CPXM2: variants seen among roughly 807,000 people sequenced by gnomAD.
CPXM2 encodes the protein inactive carboxypeptidase-like protein X2.
A neutral mutation model predicts 86.1 loss-of-function variants in CPXM2; 66 were observed. The ratio of observed to expected loss-of-function variants is 0.77; its 90% CI spans 0.63 to 0.94. The LOEUF (loss-of-function observed/expected upper bound fraction) is 0.94. CPXM2 is among the 40% of genes least tolerant of loss of function. The pLI is 0.00. For missense variants in CPXM2, 948 were observed against 1,026.3 expected (o/e 0.92, Z 1.04); for synonymous variants, 388 against 400.2 (o/e 0.97, Z 0.36).
chr10:123,942,531 C>T (rs28418413), upstream of CPXM2, among the ~76,000 whole-genome samples: 29,090 of 152,206 alleles, frequency 0.19, 3,093 homozygotes, highest in South Asian at 0.31. Flanking sequence ...CTCCCACCAG[C>T]ACCACGACAG....
chr10:123,905,629 G>T (rs1465193061), intron 2 of CPXM2, among the ~76,000 whole-genome samples: 2 of 152,136 alleles, frequency 1.3e-5, no homozygotes, highest in African/African-American at 4.8e-5. Flanking sequence ...GGTCTAGGCT[G>T]CCTCCCACCT....
chr10:123,815,121 T>A (rs529994276), intron 4 of CPXM2, among the ~76,000 whole-genome samples: 149 of 152,300 alleles, frequency 9.8e-4, no homozygotes, highest in Non-Finnish European at 1.7e-3. Flanking sequence ...ACATAATACC[T>A]TTGACCATAT....
chr10:123,789,567 A>G (rs1440637926), intron 6 of CPXM2, among the ~76,000 whole-genome samples: 2 of 152,220 alleles, frequency 1.3e-5, no homozygotes, highest in African/African-American at 4.8e-5. Flanking sequence ...ATTTATTTAA[A>G]CTTGGTAATG....
At chr10:123,895,194 G>A (rs114989988), upstream of CPXM2, among the ~76,000 whole-genome samples, 9,688 of 144,002 alleles carry the variant, frequency 0.067, 497 homozygotes, top group Admixed American at 0.18. Context: ...CACCATGTCG[G>A]CTCACGGCAA....
chr10:123,757,273 C>G lies in CPXM2; in HGVS notation c.1857G>C (p.Glu619Asp), dbSNP rs1295676520. The G allele has an allele frequency of 3.1e-6, 5 of 1,613,736 alleles. No individual in the cohort carries two copies. Among genetic ancestry groups the G allele is most frequent in the Non-Finnish European group, 4.2e-6 (5 of 1,179,752 alleles). ...TCTCCCACTCCTCGGGCAGCTGGCTCTCATGTGGGTATTTATCACAGCCCA... is the reference window on the plus strand; with the variant it reads ...TCTCCCACTCCTCGGGCAGCTGGCTGTCATGTGGGTATTTATCACAGCCCA... ...IYVGCDKYPH[E>D]SQLPEEWENN... is the part of the protein sequence containing the mutation. The change falls in exon 12 of 14, where the codon GAG becomes GAC. Residue 619 changes from glutamate to aspartate, a missense_variant. Coordinates refer to ENST00000241305, the MANE Select transcript of CPXM2 (RefSeq NM_198148.3).
chr10:123,880,374 G>A, intron 1 of CPXM2, 65 bp from the exon 2 acceptor site: 2 of 777,436 alleles, frequency 2.6e-6, no homozygotes, highest in Non-Finnish European at 4.7e-6. Flanking sequence ...GATGCTAAGA[G>A]TTCAACTGTC....
At chr10:123,922,286 A>G (rs1945585052) in intron 2 of CPXM2, among the ~76,000 whole-genome samples, 1 of 152,180 alleles carries the variant, frequency 6.6e-6, no homozygotes, top group Non-Finnish European at 1.5e-5. Flanking sequence ...TGATTTCTGA[A>G]GAAGCAAAAG....
At chr10:123,845,174 T>C (rs924947195) in intron 3 of CPXM2, among the ~76,000 whole-genome samples, 5 of 151,538 alleles carry the variant, frequency 3.3e-5, no homozygotes, top group East Asian at 1.9e-4. Context: ...AGACCCTGGA[T>C]TGGGGATACT....
At chr10:123,785,578 C>T (rs1463658182) in intron 6 of CPXM2, among the ~76,000 whole-genome samples, 1 of 151,990 alleles carries the variant, frequency 6.6e-6, no homozygotes, top group African/African-American at 2.4e-5. Flanking sequence ...GCAACTTTGG[C>T]TTGGTATCTC....
chr10:123,910,229 G>C (rs1211480126), intron 2 of CPXM2, among the ~76,000 whole-genome samples: 1 of 152,154 alleles, frequency 6.6e-6, no homozygotes, highest in East Asian at 1.9e-4. Flanking sequence ...ATGCCAGACA[G>C]GTGCCTTGCT....
chr10:123,755,412 AT>A (rs1473188139), intron 12 of CPXM2, among the ~76,000 whole-genome samples: 1 of 152,146 alleles, frequency 6.6e-6, no homozygotes, highest in African/African-American at 2.4e-5. Flanking sequence ...CAGTTATAGG[AT>A]TGCCTGGCTC....
At chr10:123,915,182 A>T (rs78996713) in intron 2 of CPXM2, among the ~76,000 whole-genome samples, 5,476 of 152,022 alleles carry the variant, frequency 0.036, 251 homozygotes, top group East Asian at 0.11. Context: ...CCCTTCACAC[A>T]CTTGCTCCTG....
chr10:123,871,534 C>T (rs34409088), intron 2 of CPXM2, among the ~76,000 whole-genome samples: 27,662 of 152,168 alleles, frequency 0.18, 3,338 homozygotes, highest in Non-Finnish European at 0.28. Context: ...CTATGTACCA[C>T]CTGCACTATT....
intron 6 of CPXM2, among the ~76,000 whole-genome samples, chr10:123,790,335 A>G (rs2019145): frequency 0.29 from 2,092 of 7,124 alleles, 266 homozygotes; most frequent in Non-Finnish European, 0.35. Context: ...GACTGAAGAC[A>G]GAGCAGGTGA....
chr10:123,844,434 T>C (rs1848454833), intron 3 of CPXM2, among the ~76,000 whole-genome samples: 1 of 152,108 alleles, frequency 6.6e-6, no homozygotes, highest in African/African-American at 2.4e-5. Context: ...AATTAAATTA[T>C]ATGCATTTTT....
intron 3 of CPXM2, among the ~76,000 whole-genome samples, chr10:123,848,232 T>G (rs541186200): frequency 5.3e-5 from 8 of 152,308 alleles, no homozygotes; most frequent in African/African-American, 1.9e-4. Context: ...GGTCTGAATG[T>G]CTGCCTTCAA....
chr10:123,756,176 T>C (rs865965654), intron 12 of CPXM2, among the ~76,000 whole-genome samples: 1 of 152,236 alleles, frequency 6.6e-6, no homozygotes, highest in Non-Finnish European at 1.5e-5. Flanking sequence ...AAGGGGAACC[T>C]TGTGTCCAGC....
At chr10:123,831,707 C>A (rs1296449408) in intron 4 of CPXM2, among the ~76,000 whole-genome samples, 1 of 151,966 alleles carries the variant, frequency 6.6e-6, no homozygotes, top group Non-Finnish European at 1.5e-5. Flanking sequence ...CCAACCATAG[C>A]CAAGCCCTTC....
chr10:123,765,359 C>A (rs774792511), intron 10 of CPXM2, among the ~76,000 whole-genome samples: 6 of 152,162 alleles, frequency 3.9e-5, no homozygotes, highest in Non-Finnish European at 8.8e-5. Context: ...TAGTTCTAGA[C>A]AACAAGCTCA....
Sources: gnomAD v4.1 joint callset for allele counts (sites outside exome capture counted in the v4.1 genomes callset) on GRCh38, gnomAD v4.1.1 for gene constraint, MANE v1.5 for transcripts, NCBI Gene and HGNC (gene_info 2026-07-23, HGNC 2026-07-21) for gene names.